MYRIP: variants seen among roughly 807,000 people sequenced by gnomAD.
The protein encoded by MYRIP is rab effector MyRIP.
MYRIP carries 49 observed loss-of-function variants against 98.0 expected under a neutral mutation model. The observed-to-expected ratio is 0.50, with a 90% CI of 0.40 to 0.63. The LOEUF is 0.63. Among genes scored for constraint, MYRIP ranks in the 30% least tolerant of loss-of-function variants. The probability of loss-of-function intolerance (pLI) is 0.00; values close to 1 mark genes in which losing one functional copy is unlikely to be tolerated. For synonymous variants in MYRIP, 404 were observed against 409.5 expected (o/e 0.99, Z 0.16); for missense variants, 1,004 against 1,058.2 (o/e 0.95, Z 0.71).
chr3:40,099,596 G>T (rs555988502), intron 3 of MYRIP, among the ~76,000 whole-genome samples: 1 of 152,208 alleles, frequency 6.6e-6, no homozygotes, highest in East Asian at 1.9e-4. Flanking sequence ...ACACACTCTC[G>T]TGCTTTTCTT....
intron 2 of MYRIP, among the ~76,000 whole-genome samples, chr3:39,981,745 A>C (rs1369550505): frequency 6.6e-6 from 1 of 152,224 alleles, no homozygotes; most frequent in Non-Finnish European, 1.5e-5. Flanking sequence ...TTCCAATTGC[A>C]GGAACATATG....
intron 3 of MYRIP, among the ~76,000 whole-genome samples, chr3:40,136,524 C>G (rs1460528581): frequency 6.6e-6 from 1 of 152,102 alleles, no homozygotes; most frequent in Non-Finnish European, 1.5e-5. Flanking sequence ...CAGCTCTGCA[C>G]CAAGTGGACC....
At chr3:39,910,165 A>G (rs1943984281) in intron 2 of MYRIP, among the ~76,000 whole-genome samples, 2 of 152,214 alleles carry the variant, frequency 1.3e-5, no homozygotes, top group Admixed American at 1.3e-4. Context: ...CTGGGATTAC[A>G]GGCCTGAGCC....
chr3:39,812,925 A>G (rs532516635), intron 1 of MYRIP, among the ~76,000 whole-genome samples: 1 of 152,176 alleles, frequency 6.6e-6, no homozygotes, highest in Admixed American at 6.5e-5. Context: ...CATGGGTAGA[A>G]CTCTATCCCA....
intron 2 of MYRIP, among the ~76,000 whole-genome samples, chr3:40,020,947 T>C (rs1335669495): frequency 6.6e-6 from 1 of 152,094 alleles, no homozygotes; most frequent in East Asian, 1.9e-4. Flanking sequence ...TGTAGCCATG[T>C]ATGAGCATAC....
chr3:39,970,613 C>G (rs1490098713), intron 2 of MYRIP, among the ~76,000 whole-genome samples: 1 of 152,104 alleles, frequency 6.6e-6, no homozygotes, highest in Non-Finnish European at 1.5e-5. Flanking sequence ...ATTCCATTTC[C>G]CTCCAACCTA....
At position 39,853,306 on chromosome 3, in the gene MYRIP, C is replaced by T. The variant is rs566258831; in HGVS notation, c.-31+43390C>T. Among the ~76,000 whole-genome samples, 3 of 152,192 alleles carry T rather than the reference C, an allele frequency of 2.0e-5. No individual in the cohort carries two copies. In the East Asian group the frequency reaches 5.8e-4, roughly 29 times the overall value. ...ATTGCCGGATCAAATGGTAGTTTTG[C>T]CTTCATTTCTTTAAGGAATCTCCAT... On this transcript the variant is annotated intron_variant, in intron 1 of 16. Coordinates refer to ENST00000302541, the MANE Select transcript of MYRIP (RefSeq NM_015460.4).
intron 2 of MYRIP, among the ~76,000 whole-genome samples, chr3:39,956,190 T>G (rs1945156312): frequency 6.6e-6 from 1 of 152,178 alleles, no homozygotes; most frequent in African/African-American, 2.4e-5. Context: ...AATAGACATC[T>G]GCGGAACTCT....
intron 2 of MYRIP, among the ~76,000 whole-genome samples, chr3:40,030,864 C>T (rs7640060): frequency 0.068 from 10,268 of 151,978 alleles, 486 homozygotes; most frequent in East Asian, 0.18. Flanking sequence ...CTTTTTGATG[C>T]GATGAAAATG....
At chr3:39,841,613 A>G (rs776822763) in intron 1 of MYRIP, among the ~76,000 whole-genome samples, 5 of 151,892 alleles carry the variant, frequency 3.3e-5, no homozygotes, top group African/African-American at 4.8e-5. Flanking sequence ...GGTCTTTTAT[A>G]TTGGTGACCT....
intron 3 of MYRIP, among the ~76,000 whole-genome samples, chr3:40,116,853 A>T (rs1225477398): frequency 1.3e-5 from 2 of 152,214 alleles, no homozygotes; most frequent in East Asian, 3.8e-4. Context: ...CTACAATCTC[A>T]TAACATTATT....
At chr3:40,010,907 A>T (rs1179719963) in intron 2 of MYRIP, among the ~76,000 whole-genome samples, 1 of 151,842 alleles carries the variant, frequency 6.6e-6, no homozygotes, top group Non-Finnish European at 1.5e-5. Context: ...CTTGACCTTG[A>T]CCCTGCTCTT....
At chr3:39,875,383 C>G (rs1387652711) in intron 1 of MYRIP, among the ~76,000 whole-genome samples, 3 of 150,880 alleles carry the variant, frequency 2.0e-5, no homozygotes, top group Non-Finnish European at 4.4e-5. Flanking sequence ...CTTCTGCTAG[C>G]TTTTGAATGT....
At chr3:40,023,358 C>CAA (rs1318305496) in intron 2 of MYRIP, among the ~76,000 whole-genome samples, 1 of 152,134 alleles carries the variant, frequency 6.6e-6, no homozygotes, top group East Asian at 1.9e-4. Context: ...AAACTGCTTA[C>CAA]AAGAGTATTA....
intron 2 of MYRIP, among the ~76,000 whole-genome samples, chr3:40,027,965 G>A (rs1048178559): frequency 2.0e-5 from 3 of 152,060 alleles, no homozygotes; most frequent in Non-Finnish European, 4.4e-5. Flanking sequence ...AGGGGGTCAG[G>A]GCAGGAAGCG....
intron 1 of MYRIP, among the ~76,000 whole-genome samples, chr3:39,836,159 G>A (rs1018700310): frequency 1.3e-5 from 2 of 152,122 alleles, no homozygotes; most frequent in Non-Finnish European, 2.9e-5. Flanking sequence ...GATCCTTGAG[G>A]AATTGCCATA....
rs949143741 is a variant in MYRIP at position 40,049,896 on chromosome 3, A to G, written c.332+5625A>G. Among the ~76,000 whole-genome samples the G allele has an allele frequency of 2.3e-4, 35 of 152,182 alleles. 1 individual carries two copies. ...GTCTGGATAGAAGGTCAAACCTGCC[A>G]CAACATTCCCTTAAGCCAAAGCCAT... is the stretch of plus-strand genomic sequence containing the variant. On this transcript the variant is annotated intron_variant, in intron 3 of 16. Transcript: ENST00000302541.
chr3:40,146,553 C>G (rs2125568070), intron 3 of MYRIP, among the ~76,000 whole-genome samples: 2 of 152,332 alleles, frequency 1.3e-5, no homozygotes, highest in South Asian at 4.2e-4. Context: ...CCCACAGCCC[C>G]TGTCTGCTAA....
At chr3:40,213,755 C>A (rs1952033765) in intron 11 of MYRIP, among the ~76,000 whole-genome samples, 1 of 152,146 alleles carries the variant, frequency 6.6e-6, no homozygotes, top group South Asian at 2.1e-4. Flanking sequence ...TACCTGAGGA[C>A]CTTCTCTGAG....
Sources: allele counts gnomAD v4.1 joint callset (sites outside exome capture counted in the v4.1 genomes callset), GRCh38; gene constraint gnomAD v4.1.1; transcripts MANE v1.5; gene names NCBI Gene and HGNC (gene_info 2026-07-23, HGNC 2026-07-21).